The following CPT1A variants were observed in gnomAD, a reference collection of about 807,000 sequenced individuals.
CPT1A encodes the protein carnitine O-palmitoyltransferase 1, liver isoform.
Under a neutral mutation model 100.8 loss-of-function variants are expected in CPT1A, and 64 were observed. The observed-to-expected ratio is 0.63, with a 90% confidence interval of 0.52 to 0.78. CPT1A has a LOEUF of 0.78. Among genes scored for constraint, CPT1A ranks in the 30% least tolerant of loss-of-function variants. CPT1A has a pLI of 0.00. For synonymous variants in CPT1A, 363 were observed against 396.0 expected (o/e 0.92, Z 0.99); for missense variants, 802 against 1,034.1 (o/e 0.78, Z 3.08).
chr11:68,814,654 G>A (rs1456313575), intron 2 of CPT1A, among the ~76,000 whole-genome samples: 4 of 151,452 alleles, frequency 2.6e-5, no homozygotes, highest in Non-Finnish European at 5.9e-5. Context: ...AAACAAAGTA[G>A]TTATTACATC....
chr11:68,759,788 G>A (rs1042706394), intron 17 of CPT1A, 127 bp from the exon 18 acceptor site: 3 of 754,696 alleles, frequency 4.0e-6, no homozygotes, highest in Admixed American at 2.0e-5. Context: ...AGCATTTTGG[G>A]AGGCTGAGGC....
intron 1 of CPT1A, among the ~76,000 whole-genome samples, chr11:68,838,571 T>TAAAAAAAAAAAAAACA (rs1177976460): frequency 1.3e-5 from 1 of 74,210 alleles, no homozygotes; most frequent in Non-Finnish European, 2.1e-5. Flanking sequence ...CTGCACCTTT[T>TAAAAAAAAAAAAAACA]TAAAAAAAAA....
intron 14 of CPT1A, among the ~76,000 whole-genome samples, chr11:68,766,520 C>A (rs1190375870): frequency 1.3e-5 from 2 of 152,150 alleles, no homozygotes; most frequent in Non-Finnish European, 2.9e-5. Flanking sequence ...GAGTCTCACT[C>A]TATCGCCCAT....
intron 9 of CPT1A, among the ~76,000 whole-genome samples, chr11:68,785,334 G>A (rs535245056): frequency 5.3e-5 from 8 of 152,224 alleles, no homozygotes; most frequent in Non-Finnish European, 1.2e-4. Context: ...GGTGAGGTGA[G>A]AGGATCGTTT....
At position 68,815,492 on chromosome 11, in the gene CPT1A, A is replaced by G. The variant is rs1171282446; in HGVS notation, c.-13-5T>C. 1 of 1,613,764 alleles carries G rather than the reference A, an allele frequency of 6.2e-7. No homozygotes were observed. The highest frequency in any genetic ancestry group is 8.5e-7 in the Non-Finnish European group (1 of 1,179,874). ...TCTGCCATCTTCAGAGAGTACCTGG[A>G]AGGAGAAGGAGAAAATGTAACACAG... On this transcript the variant is annotated splice_region_variant and splice_polypyrimidine_tract_variant and intron_variant, in intron 1 of 18. Coordinates refer to ENST00000265641, the MANE Select transcript of CPT1A (RefSeq NM_001876.4).
At chr11:68,754,766 T>C (rs778150062), downstream of CPT1A, 5 of 779,680 alleles carry the variant, frequency 6.4e-6, no homozygotes, top group Non-Finnish European at 9.6e-6. Context: ...GTGATGTCCA[T>C]GGTCTCCTCC....
At chr11:68,804,203 T>C in intron 4 of CPT1A, 102 bp from the exon 5 acceptor site, 1 of 839,558 alleles carries the variant, frequency 1.2e-6, no homozygotes, top group South Asian at 1.4e-5. Flanking sequence ...TCCTGGTTAG[T>C]ACTTGGATGG....
intron 7 of CPT1A, among the ~76,000 whole-genome samples, chr11:68,796,355 G>A (rs975070434): frequency 6.6e-6 from 1 of 152,088 alleles, no homozygotes; most frequent in Admixed American, 6.6e-5. Flanking sequence ...TCAGGAGTTC[G>A]AGACCAGCCT....
intron 16 of CPT1A, among the ~76,000 whole-genome samples, chr11:68,760,739 G>A (rs867793697): frequency 4.5e-4 from 68 of 152,290 alleles, no homozygotes; most frequent in African/African-American, 1.4e-3. Flanking sequence ...TTTGCCAGGC[G>A]CAATGGTTCA....
Position 68,757,350 on chromosome 11 carries a change from C to T in CPT1A, c.*294G>A. The T allele has an allele frequency of 7.8e-7, 1 of 1,285,152 alleles. No individual in the cohort carries two copies. Among genetic ancestry groups the T allele is most frequent in the Non-Finnish European group, 9.9e-7 (1 of 1,007,896 alleles). 79.6% of individuals were successfully genotyped at this position (1,285,152 alleles called of 1,614,324 possible). The stretch of plus-strand genomic sequence containing the variant: ...TGTGAAGCCACAACCCTACTAATTC[C>T]TTCATTAACTCAACAAGATTTGCAT... On this transcript the variant is annotated 3_prime_UTR_variant, in exon 19 of 19. Coordinates refer to ENST00000265641, the MANE Select transcript of CPT1A (RefSeq NM_001876.4).
At chr11:68,795,739 G>C (rs1003701744) in intron 7 of CPT1A, among the ~76,000 whole-genome samples, 1 of 151,930 alleles carries the variant, frequency 6.6e-6, no homozygotes, top group African/African-American at 2.4e-5. Flanking sequence ...GTGAAACCCC[G>C]TTTCTACTAA....
intron 13 of CPT1A, among the ~76,000 whole-genome samples, chr11:68,774,310 G>C (rs933350804): frequency 2.6e-5 from 4 of 152,144 alleles, no homozygotes; most frequent in African/African-American, 9.6e-5. Flanking sequence ...ACGCTAACAG[G>C]AACATGGGTA....
intron 3 of CPT1A, 92 bp from the exon 4 acceptor site, chr11:68,807,730 A>T: frequency 3.2e-6 from 4 of 1,261,772 alleles, no homozygotes; most frequent in Non-Finnish European, 4.5e-6. Flanking sequence ...CACGTGCTGC[A>T]GGGTCCAGCA....
At chr11:68,798,213 C>T (rs779932600) in intron 6 of CPT1A, among the ~76,000 whole-genome samples, 38 of 152,162 alleles carry the variant, frequency 2.5e-4, no homozygotes, top group Middle Eastern at 3.2e-3. Context: ...ACCCAGGGAT[C>T]GCTTCCTTTC....
At position 68,837,037 on chromosome 11, in the gene CPT1A, GTCTCT is replaced by G. The variant is rs758867547; in HGVS notation, c.-14+4733_-14+4737del. On this transcript the variant is annotated intron_variant, in intron 1 of 18. Coordinates refer to ENST00000265641, the MANE Select transcript of CPT1A (RefSeq NM_001876.4). ...TTCAGTGATAGCATATGACAGTTTT[GTCTCT>G]TCTCTTCTCTTTTCTTTTCTTTTTT... is the stretch of plus-strand genomic sequence containing the variant. 5.3e-5 allele frequency among the ~76,000 whole-genome samples: 8 copies of G among 152,152 alleles called. No individual in the cohort carries two copies. In the East Asian group the frequency reaches 5.8e-4, roughly 11 times the overall value.
At position 68,756,199 on chromosome 11, in the gene CPT1A, C is replaced by G. The variant is rs186748671; in HGVS notation, c.*1445G>C. Reference sequence around the variant, plus strand: ...AGTTCAGCCATCGCTGTTGTACTATCGGGGTGCAGCACTCTGAAGGAGTCA... The same window carrying G: ...AGTTCAGCCATCGCTGTTGTACTATGGGGGTGCAGCACTCTGAAGGAGTCA... On this transcript the variant is annotated 3_prime_UTR_variant, in exon 19 of 19. Transcript: ENST00000265641. The G allele has an allele frequency of 2.0e-5, 3 of 151,276 alleles. No homozygotes were observed. Among genetic ancestry groups the G allele is most frequent in the Admixed American group, 6.6e-5 (1 of 15,168 alleles). 9.4% of individuals were successfully genotyped at this position (151,276 alleles called of 1,614,324 possible).
intron 6 of CPT1A, 62 bp from the exon 7 acceptor site, chr11:68,796,995 C>CA: frequency 6.4e-7 from 1 of 1,554,640 alleles, no homozygotes; most frequent in Non-Finnish European, 8.8e-7. Context: ...GGCTCCCTGG[C>CA]AGCAGCCCAG....
chr11:68,813,529 C>CA (rs10590789), intron 2 of CPT1A, among the ~76,000 whole-genome samples: 1,139 of 81,462 alleles, frequency 0.014, 18 homozygotes, highest in African/African-American at 0.05. Context: ...AGGCTCTGTC[C>CA]AAAAAAAAAA....
chr11:68,818,854 T>G (rs1486102317), intron 1 of CPT1A, among the ~76,000 whole-genome samples: 1 of 41,364 alleles, frequency 2.4e-5, no homozygotes, highest in African/African-American at 4.3e-5. Context: ...TGAGACCCTA[T>G]CTCAACAACA....
Sources: allele counts gnomAD v4.1 joint callset (sites outside exome capture counted in the v4.1 genomes callset), GRCh38; gene constraint gnomAD v4.1.1; transcripts MANE v1.5; gene names NCBI Gene and HGNC (gene_info 2026-07-23, HGNC 2026-07-21).